The following NEGR1 variants were observed in gnomAD, a reference collection of about 807,000 sequenced individuals.
NEGR1 encodes the protein neuronal growth regulator 1.
Under a neutral mutation model 40.9 loss-of-function variants are expected in NEGR1, and 10 were observed. The ratio of observed to expected loss-of-function variants is 0.24; its 90% confidence interval spans 0.15 to 0.42. The LOEUF (loss-of-function observed/expected upper bound fraction) is 0.42, where lower values mean the gene tolerates loss of function less well. NEGR1 is among the 10% of genes least tolerant of loss of function. The pLI, the probability that NEGR1 is intolerant of heterozygous loss-of-function variation, is 1.00. For synonymous variants in NEGR1, 185 were observed against 166.8 expected, an observed-to-expected ratio of 1.11 and a Z score of -0.84; for missense variants, 352 against 438.9, an observed-to-expected ratio of 0.80 and a Z score of 1.77.
chr1:71,411,220 A>G (rs1646318034), intron 6 of NEGR1, among the ~76,000 whole-genome samples: 1 of 151,994 alleles, frequency 6.6e-6, no homozygotes, highest in Admixed American at 6.6e-5. Context: ...TTCCTTTTGT[A>G]TTTTGCTGAA....
At chr1:71,730,359 A>G (rs564114242) in intron 3 of NEGR1, among the ~76,000 whole-genome samples, 2 of 152,044 alleles carry the variant, frequency 1.3e-5, no homozygotes, top group Admixed American at 1.3e-4. Context: ...TCTAACGTGC[A>G]ATTCATGCCA....
At chr1:71,593,473 C>G (rs1416138153) in intron 5 of NEGR1, among the ~76,000 whole-genome samples, 1 of 152,144 alleles carries the variant, frequency 6.6e-6, no homozygotes, top group Non-Finnish European at 1.5e-5. Flanking sequence ...CACCACTTTA[C>G]TCTTGTACAA....
intron 4 of NEGR1, among the ~76,000 whole-genome samples, chr1:71,692,012 A>G (rs548484651): frequency 6.6e-6 from 1 of 151,790 alleles, no homozygotes; most frequent in South Asian, 2.1e-4. Context: ...ACAGCACCTT[A>G]CGATTGGTTT....
intron 5 of NEGR1, among the ~76,000 whole-genome samples, chr1:71,599,802 G>A (rs1649854686): frequency 6.6e-6 from 1 of 152,054 alleles, no homozygotes; most frequent in African/African-American, 2.4e-5. Context: ...TGCTTTCCTT[G>A]TGACAATTTG....
intron 2 of NEGR1, among the ~76,000 whole-genome samples, chr1:71,915,223 A>T (rs1661539951): frequency 6.6e-6 from 1 of 152,144 alleles, no homozygotes; most frequent in African/African-American, 2.4e-5. Flanking sequence ...ACATATTTAG[A>T]TATGATAAGA....
chr1:71,556,915 G>A (rs541371652), intron 6 of NEGR1, among the ~76,000 whole-genome samples: 1 of 151,608 alleles, frequency 6.6e-6, no homozygotes, highest in Admixed American at 6.6e-5. Flanking sequence ...ATAGCAAAAT[G>A]AAACACCTCA....
intron 5 of NEGR1, among the ~76,000 whole-genome samples, chr1:71,603,644 A>T: frequency 6.6e-6 from 1 of 152,188 alleles, no homozygotes; most frequent in Non-Finnish European, 1.5e-5. Context: ...TCCTTGTTTC[A>T]AACTACCATA....
chr1:71,704,197 A>ACG (rs1653809736), intron 3 of NEGR1, among the ~76,000 whole-genome samples: 1 of 150,872 alleles, frequency 6.6e-6, no homozygotes, highest in South Asian at 2.1e-4. Flanking sequence ...ACACACACAC[A>ACG]CACACAAGAT....
chr1:72,243,354 A>G (rs571948901), intron 1 of NEGR1, among the ~76,000 whole-genome samples: 4 of 151,900 alleles, frequency 2.6e-5, no homozygotes, highest in Admixed American at 6.6e-5. Flanking sequence ...TGAGAAGCAA[A>G]AATCGTTATC....
chr1:72,020,251 A>C (rs1646745138), intron 1 of NEGR1, among the ~76,000 whole-genome samples: 2 of 152,174 alleles, frequency 1.3e-5, no homozygotes, highest in African/African-American at 4.8e-5. Context: ...GAACCACGAG[A>C]GGTAAATCCT....
chr1:71,541,773 C>T (rs1363435349), intron 6 of NEGR1, among the ~76,000 whole-genome samples: 1 of 151,718 alleles, frequency 6.6e-6, no homozygotes, highest in African/African-American at 2.4e-5. Context: ...CCAGGCCTGC[C>T]AAAGAGCAGC....
At chr1:71,426,467 C>T (rs1409158168) in intron 6 of NEGR1, among the ~76,000 whole-genome samples, 2 of 152,150 alleles carry the variant, frequency 1.3e-5, no homozygotes, top group Admixed American at 1.3e-4. Context: ...GTCACGATGA[C>T]AAATCAGCCT....
At chr1:71,760,795 G>A (rs1481031682) in intron 3 of NEGR1, among the ~76,000 whole-genome samples, 5 of 152,102 alleles carry the variant, frequency 3.3e-5, no homozygotes, top group Admixed American at 3.3e-4. Flanking sequence ...GACAGGCTGT[G>A]TACATGTACA....
At chr1:71,568,829 C>CATGTGTGTGT (rs750483779) in intron 6 of NEGR1, among the ~76,000 whole-genome samples, 15 of 147,530 alleles carry the variant, frequency 1.0e-4, no homozygotes, top group African/African-American at 3.2e-4. Flanking sequence ...TATATGTATA[C>CATGTGTGTGT]GTGTGTGTGT....
chr1:71,810,394 T>C (rs779483700), intron 2 of NEGR1, among the ~76,000 whole-genome samples: 17 of 152,128 alleles, frequency 1.1e-4, no homozygotes, highest in Non-Finnish European at 7.3e-5. Context: ...ACTAACCTTA[T>C]AGTAAATCTT....
chr1:71,931,407 T>C (rs952619137), intron 2 of NEGR1, among the ~76,000 whole-genome samples: 3 of 152,182 alleles, frequency 2.0e-5, no homozygotes, highest in African/African-American at 7.2e-5. Flanking sequence ...TTTATGTTGT[T>C]ATAACAGAAT....
intron 2 of NEGR1, among the ~76,000 whole-genome samples, chr1:71,827,479 A>G (rs118191473): frequency 0.015 from 2,310 of 151,970 alleles, 54 homozygotes; most frequent in South Asian, 0.1. Context: ...CTAATGCCAT[A>G]GATTTTTCCT....
At chr1:71,761,735 A>C (rs1226696433) in intron 3 of NEGR1, among the ~76,000 whole-genome samples, 1 of 152,134 alleles carries the variant, frequency 6.6e-6, no homozygotes, top group Non-Finnish European at 1.5e-5. Context: ...ATAAAGAAAA[A>C]ATTAAAACAT....
intron 2 of NEGR1, among the ~76,000 whole-genome samples, chr1:71,848,116 A>C (rs1326966099): frequency 6.6e-6 from 1 of 152,200 alleles, no homozygotes; most frequent in Non-Finnish European, 1.5e-5. Flanking sequence ...GAATGCTGAG[A>C]AAGGTGAGGA....
Sources: gnomAD v4.1 joint callset for allele counts (sites outside exome capture counted in the v4.1 genomes callset) on GRCh38, gnomAD v4.1.1 for gene constraint, MANE v1.5 for transcripts, NCBI Gene and HGNC (gene_info 2026-07-23, HGNC 2026-07-21) for gene names.